The following PROKR1 variants were observed in gnomAD, a reference collection of about 807,000 sequenced individuals.
PROKR1 encodes G protein-coupled receptor 73.
In PROKR1, 21 loss-of-function variants were observed where a neutral mutation model predicts 22.8. The observed-to-expected ratio is 0.92, with a 90% CI of 0.65 to 1.32. PROKR1 has a LOEUF of 1.32. PROKR1 is among the 40% of genes most tolerant of loss of function. PROKR1 has a pLI of 0.00. For missense variants in PROKR1, 548 were observed against 514.2 expected (o/e 1.07, Z -0.64); for synonymous variants, 193 against 207.5 (o/e 0.93, Z 0.60).
At chr2:68,653,779 C>A (rs989075266) in intron 2 of PROKR1, among the ~76,000 whole-genome samples, 1 of 152,118 alleles carries the variant, frequency 6.6e-6, no homozygotes, top group Non-Finnish European at 1.5e-5. Flanking sequence ...CTCATTTCCC[C>A]CCTAGAAAGT....
rs1041825226 is a variant in PROKR1, at chr2:68,646,014, A to G, written c.193A>G (p.Ile65Val). 2 of 1,614,120 alleles carry G rather than the reference A, an allele frequency of 1.2e-6. No individual in the cohort carries two copies. The highest frequency in any genetic ancestry group is 2.2e-5 in the East Asian group (1 of 44,904). The change falls in exon 2 of 3, where the codon ATT (isoleucine) becomes GTT (valine). Residue 65 changes from isoleucine (I) to valine (V), a missense_variant. By Grantham distance (29) the Ile-to-Val change is conservative. Coordinates refer to ENST00000303786, the MANE Select transcript of PROKR1 (RefSeq NM_138964.4). ...GACGTTCTTTGCTGCCAAGATTGTC[A>G]TTGGGATGGCCCTGGTGGGCATCAT... The part of the protein sequence containing the change: ...SRTFFAAKIV[I>V]GMALVGIMLV...
At position 68,645,697 on chromosome 2, in the gene PROKR1, T is replaced by A; in HGVS notation, c.-125T>A. 7.5e-7 allele frequency: 1 copy of A among 1,331,200 alleles called. No homozygotes were observed. Among genetic ancestry groups the A allele is most frequent in the African/African-American group, 1.4e-5 (1 of 69,322 alleles). 82.5% of individuals were successfully genotyped at this position (1,331,200 alleles called of 1,614,324 possible). A position where few individuals can be genotyped will look rare whatever the true frequency, so the allele number is the denominator to read the frequency against. The stretch of plus-strand genomic sequence containing the variant: ...GAGCTCAGATACCATACCCCAAAGA[T>A]GCTGGCAGAGACATTCTGACTCATT... On this transcript the variant is annotated 5_prime_UTR_variant, in exon 2 of 3. The change abolishes an upstream ATG in the 5' untranslated region. Coordinates refer to ENST00000303786, the MANE Select transcript of PROKR1 (RefSeq NM_138964.4).
rs747053260 is a variant in PROKR1, at chr2:68,646,038, A to C, written c.217A>C (p.Met73Leu). Residue 73 changes from methionine (M) to leucine (L), a missense_variant, in exon 2 of 3, where the codon ATG becomes CTG. Transcript: ENST00000303786. ...IVIGMALVGI[M>L]LVCGIGNFIF... ...CATTGGGATGGCCCTGGTGGGCATC[A>C]TGCTGGTCTGCGGCATTGGAAACTT... is the stretch of plus-strand genomic sequence containing the variant. The C allele has an allele frequency of 1.9e-6, 3 of 1,614,260 alleles. No homozygotes were observed. In the Admixed American group the frequency reaches 5.0e-5, roughly 27 times the overall value.
At chr2:68,654,326 A>C (rs1673395873) in intron 2 of PROKR1, among the ~76,000 whole-genome samples, 1 of 152,218 alleles carries the variant, frequency 6.6e-6, no homozygotes, top group East Asian at 1.9e-4. Flanking sequence ...ATTAGGCTTA[A>C]AACTGTGCCA....
At chr2:68,650,655 T>G (rs34165113) in intron 2 of PROKR1, among the ~76,000 whole-genome samples, 8,680 of 151,894 alleles carry the variant, frequency 0.057, 284 homozygotes, top group Middle Eastern at 0.085. Context: ...TAAGACATAA[T>G]CACAGCTCTT....
At chr2:68,650,008 T>C (rs1166322156) in intron 2 of PROKR1, among the ~76,000 whole-genome samples, 4 of 140,600 alleles carry the variant, frequency 2.8e-5, no homozygotes, top group Non-Finnish European at 4.5e-5. Context: ...TAGGTGGGAA[T>C]TGAACAATGA....
chr2:68,655,334 T>G lies in PROKR1; in HGVS notation c.940T>G (p.Phe314Val). The G allele has an allele frequency of 6.2e-7, 1 of 1,614,250 alleles. No individual in the cohort carries two copies. Among genetic ancestry groups the G allele is most frequent in the Non-Finnish European group, 8.5e-7 (1 of 1,180,020 alleles). ...CGTGCGCGACTTCTTCCCCACCGTG[T>G]TTGTGAAGGAGAAGCACTACCTCAC... ...TIVRDFFPTV[F>V]VKEKHYLTAF... Residue 314 changes from phenylalanine (F) to valine (V), a missense_variant, in exon 3 of 3, where the codon TTT becomes GTT. Coordinates refer to ENST00000303786, the MANE Select transcript of PROKR1 (RefSeq NM_138964.4).
At chr2:68,653,075 A>C (rs1245628483) in intron 2 of PROKR1, among the ~76,000 whole-genome samples, 1 of 152,248 alleles carries the variant, frequency 6.6e-6, no homozygotes, top group East Asian at 1.9e-4. Flanking sequence ...CAGTGAGAGC[A>C]GAATGTCTTA....
rs778856382 is a variant in PROKR1 at position 68,655,037 on chromosome 2, ATCT to A, written c.647_649del (p.Phe216del). On this transcript the variant is annotated inframe_deletion, in exon 3 of 3. Transcript: ENST00000303786. ...CGTCATTGTCAAGAGCCAGGAAAAG[ATCT>A]TCTGCGGCCAGATCTGGCCTGTGGA... is the stretch of plus-strand genomic sequence containing the variant. 1.2e-6 allele frequency: 2 copies of A among 1,612,974 alleles called. No individual in the cohort carries two copies. Among genetic ancestry groups the A allele is most frequent in the East Asian group, 2.2e-5 (1 of 44,782 alleles).
intron 2 of PROKR1, 112 bp downstream of exon 2, chr2:68,646,418 T>C: frequency 1.4e-6 from 2 of 1,459,180 alleles, no homozygotes; most frequent in Non-Finnish European, 9.4e-7. Context: ...CTATTCCCCC[T>C]AGATGTGGTT....
chr2:68,652,447 T>C (rs756953178), intron 2 of PROKR1, among the ~76,000 whole-genome samples: 1 of 152,160 alleles, frequency 6.6e-6, no homozygotes, highest in Non-Finnish European at 1.5e-5. Flanking sequence ...CTTGCACAGC[T>C]CATGGCACTA....
intron 2 of PROKR1, among the ~76,000 whole-genome samples, chr2:68,648,990 C>G (rs1414552263): frequency 1.3e-5 from 2 of 152,224 alleles, no homozygotes; most frequent in African/African-American, 4.8e-5. Flanking sequence ...ATATTCAAAA[C>G]AGTAAGCAAT....
In PROKR1 at chr2:68,655,693, A is replaced by C; in HGVS notation, c.*117A>C. 1.0e-6 allele frequency: 1 copy of C among 968,086 alleles called. No individual in the cohort carries two copies. The highest frequency in any genetic ancestry group is 1.6e-6 in the Non-Finnish European group (1 of 630,730). The allele number at this position is 968,086 out of a possible 1,614,324, so 60.0% of individuals were successfully genotyped here. Reference sequence around the variant, plus strand: ...TTGCTGCAGAGGGTAAAGTAAATGGACCACTCTGTGAGCAATGTTTTCAAG... The same window carrying C: ...TTGCTGCAGAGGGTAAAGTAAATGGCCCACTCTGTGAGCAATGTTTTCAAG... On this transcript the variant is annotated 3_prime_UTR_variant, in exon 3 of 3. Transcript: ENST00000303786.
chr2:68,646,584 T>C (rs1165494900), intron 2 of PROKR1, among the ~76,000 whole-genome samples: 2 of 152,210 alleles, frequency 1.3e-5, no homozygotes, highest in East Asian at 3.8e-4. Context: ...ATATTACACC[T>C]TTCAAGGTCT....
At chr2:68,648,444 T>C (rs1673237397) in intron 2 of PROKR1, among the ~76,000 whole-genome samples, 1 of 152,042 alleles carries the variant, frequency 6.6e-6, no homozygotes, top group Non-Finnish European at 1.5e-5. Context: ...TTAGAAAAAA[T>C]GCTTTGCACC....
Position 68,657,007 on chromosome 2 carries a change from C to T in PROKR1, c.*1431C>T, listed in dbSNP as rs1365766271. On this transcript the variant is annotated 3_prime_UTR_variant, in exon 3 of 3. Transcript: ENST00000303786. ...AAGACTCATCCCACTTTCTAACCTGCCTCCTTTGTTTGATGTTTTGAGTTT... is the reference window on the plus strand; with the variant it reads ...AAGACTCATCCCACTTTCTAACCTGTCTCCTTTGTTTGATGTTTTGAGTTT... 2 of 152,260 alleles carry T rather than the reference C, an allele frequency of 1.3e-5. No individual in the cohort carries two copies. The highest frequency in any genetic ancestry group is 2.9e-5 in the Non-Finnish European group (2 of 68,086). 9.4% of individuals were successfully genotyped at this position (152,260 alleles called of 1,614,324 possible).
At position 68,657,798 on chromosome 2, in the gene PROKR1, C is replaced by T. The variant is rs1673503151; in HGVS notation, c.*2222C>T. 6.6e-6 allele frequency: 1 copy of T among 152,192 alleles called. No individual in the cohort carries two copies. The highest frequency in any genetic ancestry group is 2.1e-4 in the South Asian group (1 of 4,834). 9.4% of individuals were successfully genotyped at this position (152,192 alleles called of 1,614,324 possible). A position where few individuals can be genotyped will look rare whatever the true frequency, so the allele number is the denominator to read the frequency against. On this transcript the variant is annotated 3_prime_UTR_variant, in exon 3 of 3. Transcript: ENST00000303786. ...AGTTACTTTATTTCCCTGAAAGACA[C>T]ATTACAAAAACCTATTTATTTCTTC...
chr2:68,654,785 T>C (rs1182613044), intron 2 of PROKR1, 95 bp from the exon 3 acceptor site: 2 of 1,216,470 alleles, frequency 1.6e-6, no homozygotes, highest in Non-Finnish European at 2.3e-6. Context: ...CCAGCCTGGG[T>C]GACAGAGCAA....
At position 68,654,974 on chromosome 2, in the gene PROKR1, G is replaced by A. The variant is rs773486402; in HGVS notation, c.580G>A (p.Ala194Thr). Residue 194 changes from alanine (A) to threonine (T), a missense_variant, in exon 3 of 3, where the codon GCC becomes ACC. Ala to Thr is a moderately conservative substitution (Grantham distance 58). Transcript: ENST00000303786. ...GGTGTGGACGGTGTCCATCCTGATC[G>A]CCATCCCTTCCGCCTACTTCACCAC... Reference protein sequence around the residue: ...ALVWTVSILIAIPSAYFTTET... With the variant: ...ALVWTVSILITIPSAYFTTET... The A allele has an allele frequency of 8.7e-6, 14 of 1,613,084 alleles. No individual in the cohort carries two copies. The African/African-American group carries it at 1.3e-4, about 15-fold the overall frequency.
Sources: gnomAD v4.1 joint callset for allele counts (sites outside exome capture counted in the v4.1 genomes callset) on GRCh38, gnomAD v4.1.1 for gene constraint, MANE v1.5 for transcripts, NCBI Gene and HGNC (gene_info 2026-07-23, HGNC 2026-07-21) for gene names.